The following ZBTB26 variants were observed in gnomAD, a reference collection of about 807,000 sequenced individuals.
ZBTB26 encodes zinc finger and BTB domain containing 26, also known as zinc finger and BTB domain-containing protein 26.
Under a neutral mutation model 31.6 loss-of-function variants are expected in ZBTB26, and 12 were observed. The observed-to-expected ratio is 0.38, with a 90% CI of 0.24 to 0.61. ZBTB26 has a LOEUF of 0.61. Ranked by LOEUF, ZBTB26 falls within the 20% of genes least tolerant of loss-of-function variation. The pLI is 0.60. For synonymous variants in ZBTB26, 155 were observed against 182.9 expected, an observed-to-expected ratio of 0.85 and a Z score of 1.23; for missense variants, 311 against 521.9, an observed-to-expected ratio of 0.60 and a Z score of 3.94.
rs567679381 is a variant in ZBTB26 at position 122,916,886 on chromosome 9, A to T, written c.*1723T>A. 1 of 152,336 alleles carries T rather than the reference A, an allele frequency of 6.6e-6. No individual in the cohort carries two copies. Among genetic ancestry groups the T allele is most frequent in the Admixed American group, 6.5e-5 (1 of 15,302 alleles). 9.4% of individuals were successfully genotyped at this position (152,336 alleles called of 1,614,324 possible). On this transcript the variant is annotated 3_prime_UTR_variant, in exon 2 of 2. Coordinates refer to ENST00000373656, the MANE Select transcript of ZBTB26 (RefSeq NM_020924.4). ...GATCCCCTCTGACTATGCAAGCCTA[A>T]TTTTTCAAATCTGCATGCACTCTCA...
chr9:122,926,665 G>A (rs1242943957), intron 1 of ZBTB26, among the ~76,000 whole-genome samples: 1 of 152,170 alleles, frequency 6.6e-6, no homozygotes, highest in African/African-American at 2.4e-5. Flanking sequence ...TTAAAAACAA[G>A]TTATAACTTC....
intron 1 of ZBTB26, among the ~76,000 whole-genome samples, chr9:122,923,111 G>A (rs1833126783): frequency 6.7e-6 from 1 of 150,336 alleles, no homozygotes; most frequent in Non-Finnish European, 1.5e-5. Context: ...TTGAACCCGG[G>A]AGGTGGAGGT....
chr9:122,927,105 T>C (rs1588132246), intron 1 of ZBTB26, among the ~76,000 whole-genome samples: 1 of 152,210 alleles, frequency 6.6e-6, no homozygotes, highest in East Asian at 1.9e-4. Flanking sequence ...TCTTACATCA[T>C]TGCCATAGTT....
chr9:122,923,866 C>T (rs1040350417), intron 1 of ZBTB26, among the ~76,000 whole-genome samples: 1 of 152,150 alleles, frequency 6.6e-6, no homozygotes, highest in African/African-American at 2.4e-5. Context: ...CAATGATGGT[C>T]CCATAGAATA....
In ZBTB26 at chr9:122,919,421, T is replaced by C; in HGVS notation, c.514A>G (p.Ser172Gly). ...DSPCIHPSED[S>G]MDMEDSDIQI... The stretch of plus-strand genomic sequence containing the variant: ...ATATCACTGTCCTCCATATCCATAC[T>C]GTCTTCAGATGGATGAATACAAGGT... The change falls in exon 2 of 2, where the codon AGT becomes GGT. Residue 172 changes from serine (S) to glycine (G), a missense_variant. Coordinates refer to ENST00000373656, the MANE Select transcript of ZBTB26 (RefSeq NM_020924.4). The surrounding 1 kb of genome is among the most constrained non-coding windows in gnomAD (Gnocchi z 6.1). The C allele has an allele frequency of 1.2e-6, 2 of 1,614,250 alleles. No homozygotes were observed. Among genetic ancestry groups the C allele is most frequent in the Non-Finnish European group, 1.7e-6 (2 of 1,180,036 alleles).
At chr9:122,930,185 A>G (rs1364751617) in intron 1 of ZBTB26, among the ~76,000 whole-genome samples, 1 of 152,178 alleles carries the variant, frequency 6.6e-6, no homozygotes, top group Non-Finnish European at 1.5e-5. Flanking sequence ...TGTCTGTCTC[A>G]TTAGACCTTT....
rs1343346772 is a variant in ZBTB26, at chr9:122,915,994, A to C, written c.*2615T>G. The C allele has an allele frequency of 2.0e-5, 3 of 152,226 alleles. No individual in the cohort carries two copies. The highest frequency in any genetic ancestry group is 2.9e-5 in the Non-Finnish European group (2 of 68,040). The allele number at this position is 152,226 out of a possible 1,614,324, so 9.4% of individuals were successfully genotyped here. A position where few individuals can be genotyped will look rare whatever the true frequency, so the allele number is the denominator to read the frequency against. On this transcript the variant is annotated 3_prime_UTR_variant, in exon 2 of 2. Coordinates refer to ENST00000373656, the MANE Select transcript of ZBTB26 (RefSeq NM_020924.4). ...AGTTTTGAAAGTCATCTTCCTCTGT[A>C]AAATACTGGATATCAGTAACTTGAC... is the stretch of plus-strand genomic sequence containing the variant.
At chr9:122,920,692 C>T (rs898754399) in intron 1 of ZBTB26, among the ~76,000 whole-genome samples, 2 of 152,158 alleles carry the variant, frequency 1.3e-5, no homozygotes, top group Non-Finnish European at 2.9e-5. Flanking sequence ...ATCTAAACTC[C>T]GTTTTAAGGA....
chr9:122,924,299 C>T (rs1461835420), intron 1 of ZBTB26, among the ~76,000 whole-genome samples: 1 of 152,220 alleles, frequency 6.6e-6, no homozygotes, highest in Non-Finnish European at 1.5e-5. Flanking sequence ...TGTCAGCCCA[C>T]TCTATTGTCT....
intron 1 of ZBTB26, among the ~76,000 whole-genome samples, chr9:122,929,501 T>C (rs906186477): frequency 6.6e-6 from 1 of 152,210 alleles, no homozygotes; most frequent in African/African-American, 2.4e-5. Flanking sequence ...GCTCAACTAC[T>C]TTCTGTGTAA....
chr9:122,929,844 C>G (rs1833240465), intron 1 of ZBTB26, among the ~76,000 whole-genome samples: 1 of 152,170 alleles, frequency 6.6e-6, no homozygotes, highest in Admixed American at 6.5e-5. Flanking sequence ...TCCCCCAAGT[C>G]TCCAGATGCT....
Position 122,930,231 on chromosome 9 carries a change from C to T in ZBTB26, c.-11+1206G>A, listed in dbSNP as rs376296577. Among the ~76,000 whole-genome samples the T allele has an allele frequency of 2.6e-4, 39 of 152,314 alleles. No individual in the cohort carries two copies. In the East Asian group the frequency reaches 6.2e-3, roughly 24 times the overall value. On this transcript the variant is annotated intron_variant, in intron 1 of 1. Coordinates refer to ENST00000373656, the MANE Select transcript of ZBTB26 (RefSeq NM_020924.4). ...GTCCAAAAAATGAATTCATAATCTA[C>T]ACTAAGCTTATGGCTTTATTTCTGA...
rs144136743 is a variant in ZBTB26 at position 122,924,480 on chromosome 9, T to A, written c.-10-4536A>T. ...ACAGAAGAATAATGAGTTCTTAATG[T>A]TCCCCCATGAAATTATTACTAGGCT... On this transcript the variant is annotated intron_variant, in intron 1 of 1. Transcript: ENST00000373656. Among the ~76,000 whole-genome samples the A allele has an allele frequency of 2.0e-5, 3 of 152,330 alleles. No homozygotes were observed. The East Asian group carries it at 5.8e-4, about 29-fold the overall frequency.
intron 1 of ZBTB26, among the ~76,000 whole-genome samples, chr9:122,926,463 T>C (rs1047464490): frequency 4.1e-5 from 6 of 147,438 alleles, no homozygotes; most frequent in Non-Finnish European, 8.9e-5. Flanking sequence ...GCTGAGATTG[T>C]GCCACTGCAC....
chr9:122,920,034 G>T, intron 1 of ZBTB26, 90 bp from the exon 2 acceptor site: 1 of 1,388,270 alleles, frequency 7.2e-7, no homozygotes, highest in Non-Finnish European at 9.7e-7. Context: ...AATCTGTGTT[G>T]TCATATCTGT....
At chr9:122,926,577 G>A (rs1165177717) in intron 1 of ZBTB26, among the ~76,000 whole-genome samples, 1 of 151,832 alleles carries the variant, frequency 6.6e-6, no homozygotes, top group African/African-American at 2.4e-5. Context: ...ACAAACACAG[G>A]CCAAGAAAAT....
chr9:122,921,082 C>A (rs1833090721), intron 1 of ZBTB26, among the ~76,000 whole-genome samples: 1 of 152,152 alleles, frequency 6.6e-6, no homozygotes, highest in Non-Finnish European at 1.5e-5. Context: ...ACTGGAAAAA[C>A]CCATTCAACA....
In ZBTB26 at chr9:122,919,800, C is replaced by G. The variant is rs527481521; in HGVS notation, c.135G>C (p.Gln45His). ...CTGCAGCAAACACAATTTTATGTCC[C>G]TGTACCTCAATATCATCTATGAGAA... ...VTVLIDDIEV[Q>H]GHKIVFAAGS... Residue 45 changes from glutamine (Q) to histidine (H), a missense_variant, in exon 2 of 2, where the codon CAG becomes CAC. This residue lies in a region of ZBTB26 where 5 missense variants were observed against 32.0 expected (regional missense o/e 0.16). Transcript: ENST00000373656. This position sits in a 1 kb window ranked among gnomAD's most constrained non-coding sequence, Gnocchi z 6.1. 19 of 1,613,946 alleles carry G rather than the reference C, an allele frequency of 1.2e-5. No homozygotes were observed. Among genetic ancestry groups the G allele is most frequent in the Non-Finnish European group, 1.3e-5 (15 of 1,180,012 alleles).
chr9:122,921,147 A>G (rs1807112974), intron 1 of ZBTB26, among the ~76,000 whole-genome samples: 1 of 152,230 alleles, frequency 6.6e-6, no homozygotes, highest in African/African-American at 2.4e-5. Flanking sequence ...TTATATAGCA[A>G]TTCCTTTGGT....
Sources: allele counts gnomAD v4.1 joint callset (sites outside exome capture counted in the v4.1 genomes callset), GRCh38; gene constraint gnomAD v4.1.1; regional missense constraint gnomAD v4.1.1; non-coding constraint Gnocchi (gnomAD v3.1); transcripts MANE v1.5; gene names NCBI Gene and HGNC (gene_info 2026-07-23, HGNC 2026-07-21).